The following COG5 variants were observed in gnomAD, a reference collection of about 807,000 sequenced individuals.
COG5 encodes conserved oligomeric Golgi complex subunit 5.
Under a neutral mutation model 110.4 loss-of-function variants are expected in COG5, and 86 were observed. The ratio of observed to expected loss-of-function variants is 0.78; its 90% confidence interval spans 0.65 to 0.93. The LOEUF (loss-of-function observed/expected upper bound fraction) is 0.93. COG5 is among the 40% of genes least tolerant of loss of function. The pLI is 0.00. For missense variants in COG5, 1,077 were observed against 987.0 expected (o/e 1.09, Z -1.22); for synonymous variants, 360 against 334.6 (o/e 1.08, Z -0.83).
chr7:107,539,557 G>T (rs1176192672), intron 5 of COG5, among the ~76,000 whole-genome samples: 1 of 152,090 alleles, frequency 6.6e-6, no homozygotes, highest in African/African-American at 2.4e-5. Context: ...GTGGATAGAG[G>T]GAGTAACTGC....
At chr7:107,208,955 G>A (rs765488827) in intron 21 of COG5, 21 of 982,364 alleles carry the variant, frequency 2.1e-5, no homozygotes, top group Non-Finnish European at 2.5e-5. Context: ...GGACCTTCTT[G>A]GGGAGCTATA....
chr7:107,451,741 C>A (rs73187377), intron 6 of COG5, among the ~76,000 whole-genome samples: 8,895 of 152,184 alleles, frequency 0.058, 280 homozygotes, highest in African/African-American at 0.082. Context: ...TCTTTCTTAT[C>A]ATTTTCTTAA....
At chr7:107,553,904 C>T (rs1803105485) in intron 3 of COG5, among the ~76,000 whole-genome samples, 1 of 152,156 alleles carries the variant, frequency 6.6e-6, no homozygotes, top group South Asian at 2.1e-4. Flanking sequence ...AAGTATCTTG[C>T]TAATTCATTT....
intron 7 of COG5, among the ~76,000 whole-genome samples, chr7:107,399,237 A>C (rs1791247552): frequency 6.6e-6 from 1 of 152,136 alleles, no homozygotes; most frequent in African/African-American, 2.4e-5. Flanking sequence ...AAGTTTACTA[A>C]AACTCATCAA....
intron 7 of COG5, among the ~76,000 whole-genome samples, chr7:107,391,088 T>C (rs1790591844): frequency 6.6e-6 from 1 of 152,150 alleles, no homozygotes; most frequent in South Asian, 2.1e-4. Flanking sequence ...GATTGCTCTC[T>C]ACTTGGTGGG....
At chr7:107,240,423 C>T (rs950508846) in intron 17 of COG5, among the ~76,000 whole-genome samples, 1 of 152,096 alleles carries the variant, frequency 6.6e-6, no homozygotes. Context: ...ACCATGTTGG[C>T]CAGGCTGGTC....
At chr7:107,438,944 C>T (rs1034937222) in intron 6 of COG5, among the ~76,000 whole-genome samples, 9 of 152,184 alleles carry the variant, frequency 5.9e-5, no homozygotes, top group African/African-American at 2.2e-4. Context: ...GTCCACTTTG[C>T]TTCCTACTGA....
At chr7:107,394,108 C>T (rs1790815400) in intron 7 of COG5, among the ~76,000 whole-genome samples, 1 of 151,922 alleles carries the variant, frequency 6.6e-6, no homozygotes, top group African/African-American at 2.4e-5. Flanking sequence ...ACTACAGGCA[C>T]CCGCCACCAC....
Position 107,526,054 on chromosome 7 carries a change from G to T in COG5, c.538+1183C>A, listed in dbSNP as rs554763378. Among the ~76,000 whole-genome samples, 217 of 152,282 alleles carry T rather than the reference G, an allele frequency of 1.4e-3. 2 individuals carry two copies. The highest frequency in any genetic ancestry group is 5.0e-3 in the African/African-American group (209 of 41,552). On this transcript the variant is annotated intron_variant, in intron 6 of 21. Transcript: ENST00000297135. ...TTGATTAACAAAAAATATGGAATAAGCATTACAGCATAGCATGACTATATA... is the reference window on the plus strand; with the variant it reads ...TTGATTAACAAAAAATATGGAATAATCATTACAGCATAGCATGACTATATA...
Position 107,250,458 on chromosome 7 carries a change from A to T in COG5, c.1750-1959T>A, listed in dbSNP as rs575557475. Among the ~76,000 whole-genome samples the T allele has an allele frequency of 5.1e-4, 78 of 152,222 alleles. 2 individuals carry two copies. Among genetic ancestry groups the T allele is most frequent in the African/African-American group, 1.7e-3 (70 of 41,542 alleles). ...TATAAAAAAAGGTAAAAAAAAAAAA[A>T]TCCTGTTTCTACACAACATAACATT... On this transcript the variant is annotated intron_variant, in intron 16 of 21. Transcript: ENST00000297135.
intron 17 of COG5, among the ~76,000 whole-genome samples, chr7:107,246,469 A>T (rs1345239647): frequency 6.6e-6 from 1 of 152,258 alleles, no homozygotes; most frequent in African/African-American, 2.4e-5. Flanking sequence ...TATGCATCTG[A>T]CAAAGGTCTA....
chr7:107,432,747 G>A (rs1297608891), intron 6 of COG5, among the ~76,000 whole-genome samples: 1 of 151,918 alleles, frequency 6.6e-6, no homozygotes, highest in African/African-American at 2.4e-5. Context: ...AAAAAGTCCA[G>A]GGATGCATCC....
At chr7:107,264,750 G>A (rs1420620779) in intron 14 of COG5, among the ~76,000 whole-genome samples, 1 of 151,936 alleles carries the variant, frequency 6.6e-6, no homozygotes, top group African/African-American at 2.4e-5. Flanking sequence ...GAAAATAATA[G>A]AGAAAAGTTT....
intron 7 of COG5, among the ~76,000 whole-genome samples, chr7:107,392,068 G>A (rs1308681898): frequency 5.3e-5 from 8 of 152,148 alleles, no homozygotes; most frequent in Admixed American, 5.2e-4. Flanking sequence ...TCCAGCCTGG[G>A]CAGCACAGCG....
chr7:107,313,685 T>C (rs1268525260), intron 11 of COG5, among the ~76,000 whole-genome samples: 2 of 152,176 alleles, frequency 1.3e-5, no homozygotes, highest in African/African-American at 4.8e-5. Context: ...TCTGTTTCCA[T>C]TATCACATAT....
chr7:107,347,541 C>T (rs949140659), intron 10 of COG5, among the ~76,000 whole-genome samples: 66 of 152,158 alleles, frequency 4.3e-4, no homozygotes, highest in Middle Eastern at 3.4e-3. Flanking sequence ...AACTCTGTAA[C>T]AATAATACAT....
At chr7:107,281,500 C>A in intron 13 of COG5, 101 bp from the exon 14 acceptor site, 1 of 846,348 alleles carries the variant, frequency 1.2e-6, no homozygotes, top group Non-Finnish European at 2.0e-6. Flanking sequence ...TGTGGTTATT[C>A]TTTTTATAGA....
In COG5 at chr7:107,258,568, G is replaced by A. The variant is rs1803070499; in HGVS notation, c.1576-185C>T. 5 of 613,756 alleles carry A rather than the reference G, an allele frequency of 8.1e-6. No individual in the cohort carries two copies. The Admixed American group carries it at 1.3e-4, about 16-fold the overall frequency. The allele number at this position is 613,756 out of a possible 1,614,324, so 38.0% of individuals were successfully genotyped here. On this transcript the variant is annotated intron_variant, in intron 14 of 21. Coordinates refer to ENST00000297135, the MANE Select transcript of COG5 (RefSeq NM_006348.5). Reference sequence around the variant, plus strand: ...GGTCAACTTAAAGCTTTGGACTTGAGGTAAAACCAGCAATCTGTGTAGAGA... The same window carrying A: ...GGTCAACTTAAAGCTTTGGACTTGAAGTAAAACCAGCAATCTGTGTAGAGA...
At chr7:107,390,890 T>C (rs1241454673) in intron 7 of COG5, among the ~76,000 whole-genome samples, 1 of 151,530 alleles carries the variant, frequency 6.6e-6, no homozygotes, top group Non-Finnish European at 1.5e-5. Flanking sequence ...GGAAAAATTG[T>C]CAAATAAACC....
Sources: gnomAD v4.1 joint callset for allele counts (sites outside exome capture counted in the v4.1 genomes callset) on GRCh38, gnomAD v4.1.1 for gene constraint, MANE v1.5 for transcripts, NCBI Gene and HGNC (gene_info 2026-07-23, HGNC 2026-07-21) for gene names.